The following EIF4G3 variants were observed in gnomAD, a reference collection of about 807,000 sequenced individuals.
EIF4G3 encodes the protein eIF-4-gamma 3.
EIF4G3 carries 34 observed loss-of-function variants against 186.4 expected under a neutral mutation model. The observed-to-expected ratio is 0.18, with a 90% CI of 0.14 to 0.24. EIF4G3 has a LOEUF of 0.24. EIF4G3 is among the 10% of genes least tolerant of loss of function. EIF4G3 has a pLI of 1.00. For synonymous variants in EIF4G3, 673 were observed against 679.5 expected (o/e 0.99, Z 0.15); for missense variants, 1,536 against 1,948.5 (o/e 0.79, Z 3.99).
intron 3 of EIF4G3, among the ~76,000 whole-genome samples, chr1:21,074,517 T>A (rs570237068): frequency 6.6e-6 from 1 of 152,182 alleles, no homozygotes; most frequent in Non-Finnish European, 1.5e-5. Flanking sequence ...CATTCATAAA[T>A]GCTACTGGAG....
chr1:21,172,508 T>C (rs2098001316), intron 2 of EIF4G3, among the ~76,000 whole-genome samples: 1 of 152,176 alleles, frequency 6.6e-6, no homozygotes, highest in Non-Finnish European at 1.5e-5. Context: ...GCCACATCTA[T>C]TGAAGCCTCA....
chr1:21,090,896 A>C (rs1369143204), intron 2 of EIF4G3, among the ~76,000 whole-genome samples: 1 of 152,224 alleles, frequency 6.6e-6, no homozygotes, highest in Non-Finnish European at 1.5e-5. Context: ...GGAGATAAAA[A>C]AATAATGCAA....
chr1:21,063,427 G>T lies in EIF4G3; in HGVS notation c.-195-12433C>A, dbSNP rs527764721. Among the ~76,000 whole-genome samples the T allele has an allele frequency of 3.3e-5, 5 of 152,238 alleles. No homozygotes were observed. In the East Asian group the frequency reaches 7.7e-4, roughly 24 times the overall value. On this transcript the variant is annotated intron_variant, in intron 3 of 36. Coordinates refer to ENST00000602326, the MANE Select transcript of EIF4G3 (RefSeq NM_001391906.1). ...ATTTATGGATGCCAAGAAACTATGT[G>T]ACAGTTGTTTGAACACTGTAAGAGT...
intron 11 of EIF4G3, 126 bp from the exon 12 acceptor site, chr1:20,969,722 T>G (rs2075430080): frequency 1.2e-6 from 1 of 804,290 alleles, no homozygotes; most frequent in African/African-American, 1.7e-5. Context: ...AATCACCACA[T>G]TTGACTTTAT....
intron 2 of EIF4G3, among the ~76,000 whole-genome samples, chr1:21,140,006 G>A (rs1237646071): frequency 1.3e-5 from 2 of 152,322 alleles, no homozygotes; most frequent in South Asian, 2.1e-4. Flanking sequence ...GGTCACCCAA[G>A]TCTAATGAAA....
intron 18 of EIF4G3, 79 bp downstream of exon 18, chr1:20,893,438 G>T: frequency 1.4e-6 from 2 of 1,414,048 alleles, no homozygotes; most frequent in Non-Finnish European, 1.9e-6. Context: ...AATAAAAGCT[G>T]CTGTCTTGCC....
At position 21,176,842 on chromosome 1, in the gene EIF4G3, G is replaced by C. The variant is rs751476657; in HGVS notation, c.-576C>G. The C allele has an allele frequency of 4.8e-5, 34 of 701,538 alleles. No individual in the cohort carries two copies. The highest frequency in any genetic ancestry group is 1.6e-5 in the Non-Finnish European group (6 of 384,172). The allele number at this position is 701,538 out of a possible 1,614,324, so 43.5% of individuals were successfully genotyped here. ...TGCCGGTGGATTTTCTTCACTCAAC[G>C]AGCAGAGCATCCAACATGGCGCTGT... On this transcript the variant is annotated 5_prime_UTR_variant, in exon 1 of 37. Coordinates refer to ENST00000602326, the MANE Select transcript of EIF4G3 (RefSeq NM_001391906.1).
intron 18 of EIF4G3, among the ~76,000 whole-genome samples, chr1:20,892,323 T>C (rs529423246): frequency 1.6e-4 from 24 of 152,324 alleles, no homozygotes; most frequent in African/African-American, 5.3e-4. Context: ...TTCAACATCA[T>C]TGGCAACTTT....
intron 2 of EIF4G3, among the ~76,000 whole-genome samples, chr1:21,168,960 T>C (rs1434211103): frequency 6.6e-6 from 1 of 152,012 alleles, no homozygotes; most frequent in Non-Finnish European, 1.5e-5. Flanking sequence ...AGCAGGTGGC[T>C]TGAGCCCAAG....
intron 4 of EIF4G3, among the ~76,000 whole-genome samples, chr1:21,048,359 C>T (rs1488004546): frequency 6.6e-6 from 1 of 152,124 alleles, no homozygotes; most frequent in African/African-American, 2.4e-5. Flanking sequence ...GAAAATGGAT[C>T]TGAGCTCTAT....
intron 14 of EIF4G3, among the ~76,000 whole-genome samples, chr1:20,911,228 G>A (rs1350421114): frequency 2.0e-5 from 3 of 151,776 alleles, no homozygotes; most frequent in East Asian, 1.9e-4. Flanking sequence ...TTTTATACCC[G>A]AAAAAACGAA....
chr1:21,159,549 C>T (rs989632065), intron 2 of EIF4G3, among the ~76,000 whole-genome samples: 3 of 151,676 alleles, frequency 2.0e-5, no homozygotes, highest in Non-Finnish European at 4.4e-5. Flanking sequence ...CAAGACTGGC[C>T]AACATGGCGA....
At chr1:21,167,123 T>C (rs1383460697) in intron 2 of EIF4G3, among the ~76,000 whole-genome samples, 1 of 152,124 alleles carries the variant, frequency 6.6e-6, no homozygotes, top group Non-Finnish European at 1.5e-5. Flanking sequence ...TACTAATTAC[T>C]AGGACCTAGA....
intron 2 of EIF4G3, among the ~76,000 whole-genome samples, chr1:21,126,273 C>A (rs904255579): frequency 6.7e-6 from 1 of 150,362 alleles, no homozygotes; most frequent in African/African-American, 2.4e-5. Context: ...CAAAAACTTA[C>A]CCAAGACTAA....
chr1:20,922,717 A>G (rs2094568316), intron 14 of EIF4G3, among the ~76,000 whole-genome samples: 1 of 152,172 alleles, frequency 6.6e-6, no homozygotes, highest in African/African-American at 2.4e-5. Flanking sequence ...CAGTTTCAAC[A>G]TTTTTACCAA....
At chr1:21,092,292 T>C (rs947040353) in intron 2 of EIF4G3, among the ~76,000 whole-genome samples, 1 of 152,202 alleles carries the variant, frequency 6.6e-6, no homozygotes, top group African/African-American at 2.4e-5. Flanking sequence ...CTGGATTACA[T>C]TTATTGATTT....
chr1:21,066,104 G>A (rs901619294), intron 3 of EIF4G3, among the ~76,000 whole-genome samples: 4 of 152,016 alleles, frequency 2.6e-5, no homozygotes, highest in East Asian at 1.9e-4. Flanking sequence ...AGGCTGCAGT[G>A]AGCCATGATC....
chr1:20,895,669 G>A (rs1387336552), intron 16 of EIF4G3, among the ~76,000 whole-genome samples, 168 bp from the exon 17 acceptor site: 1 of 152,190 alleles, frequency 6.6e-6, no homozygotes, highest in East Asian at 1.9e-4. Context: ...TAATGACACT[G>A]TAACTATCCT....
chr1:20,960,310 A>G (rs920938936), intron 12 of EIF4G3, among the ~76,000 whole-genome samples: 2 of 152,138 alleles, frequency 1.3e-5, no homozygotes, highest in Non-Finnish European at 2.9e-5. Flanking sequence ...TACTAAAAAT[A>G]CAAAAATTAG....
Sources: gnomAD v4.1 joint callset for allele counts (sites outside exome capture counted in the v4.1 genomes callset) on GRCh38, gnomAD v4.1.1 for gene constraint, MANE v1.5 for transcripts, NCBI Gene and HGNC (gene_info 2026-07-23, HGNC 2026-07-21) for gene names.